The following XKR6 variants were observed in gnomAD, a reference collection of about 807,000 sequenced individuals.
The protein encoded by XKR6 is XK-related protein 6.
Under a neutral mutation model 56.7 loss-of-function variants are expected in XKR6, and 22 were observed. That is an observed-to-expected ratio of 0.39 (90% CI 0.28 to 0.55). The LOEUF is 0.55. Ranked by LOEUF, XKR6 falls within the 20% of genes least tolerant of loss-of-function variation. The pLI, the probability that XKR6 is intolerant of heterozygous loss-of-function variation, is 0.66. For synonymous variants in XKR6, 524 were observed against 387.8 expected, an observed-to-expected ratio of 1.35 and a Z score of -4.13; for missense variants, 852 against 889.0, an observed-to-expected ratio of 0.96 and a Z score of 0.53.
In XKR6 at chr8:11,037,773, G is replaced by A. The variant is rs183997235; in HGVS notation, c.765-112943C>T. 1.2e-3 allele frequency among the ~76,000 whole-genome samples: 188 copies of A among 151,582 alleles called. 1 individual carries two copies. In the East Asian group the frequency reaches 0.013, roughly 11 times the overall value. ...CTTGGGAGGCTAAGGCAGGAGATTC[G>A]TTTGAACCCAGAAGGCAGAGCTTGC... On this transcript the variant is annotated intron_variant, in intron 1 of 2. Transcript: ENST00000416569.
chr8:11,062,522 C>G (rs942074747), intron 1 of XKR6: 14 of 355,700 alleles, frequency 3.9e-5, no homozygotes, highest in African/African-American at 1.9e-4. Flanking sequence ...CATCTCTCCT[C>G]TACCTGCCCG....
chr8:10,930,549 A>T (rs146917492), intron 1 of XKR6, among the ~76,000 whole-genome samples: 3 of 152,260 alleles, frequency 2.0e-5, no homozygotes, highest in Admixed American at 2.0e-4. Flanking sequence ...AAAATCTTCA[A>T]CAAAATATTA....
chr8:11,054,415 T>G (rs1373750084), intron 1 of XKR6, among the ~76,000 whole-genome samples: 1 of 152,218 alleles, frequency 6.6e-6, no homozygotes, highest in East Asian at 1.9e-4. Flanking sequence ...GTACCGGTGT[T>G]CAAGTTGCAC....
At chr8:11,184,133 A>T (rs2409724) in intron 1 of XKR6, among the ~76,000 whole-genome samples, 87,834 of 152,022 alleles carry the variant, frequency 0.58, 28,702 homozygotes, top group African/African-American at 0.88. Flanking sequence ...CCATACAGAG[A>T]CTGTTAAAGG....
chr8:10,916,996 G>A (rs189725512), intron 2 of XKR6, among the ~76,000 whole-genome samples: 1 of 151,962 alleles, frequency 6.6e-6, no homozygotes. Context: ...CAGAGCTCCA[G>A]GTTTGTTTAA....
At chr8:11,159,873 T>G (rs1029073605) in intron 1 of XKR6, among the ~76,000 whole-genome samples, 2 of 152,196 alleles carry the variant, frequency 1.3e-5, no homozygotes, top group African/African-American at 2.4e-5. Context: ...ATGTTGTTGA[T>G]TAGAGATATG....
At chr8:10,977,364 T>C (rs1802597330) in intron 1 of XKR6, among the ~76,000 whole-genome samples, 1 of 151,860 alleles carries the variant, frequency 6.6e-6, no homozygotes. Context: ...AGAATACATG[T>C]GGAGAATGAC....
intron 1 of XKR6, among the ~76,000 whole-genome samples, chr8:10,994,271 T>C (rs957614588): frequency 6.6e-6 from 1 of 152,170 alleles, no homozygotes; most frequent in Admixed American, 6.5e-5. Context: ...TCATTTTGAG[T>C]TGCTGCACTG....
chr8:11,106,100 C>G (rs749513144), intron 1 of XKR6: 6 of 152,156 alleles, frequency 3.9e-5, no homozygotes, highest in Non-Finnish European at 7.4e-5. Context: ...GAATAATATC[C>G]TACTTTCAGT....
intron 2 of XKR6, 115 bp from the exon 3 acceptor site, chr8:10,899,031 G>A (rs1799964794): frequency 1.4e-6 from 2 of 1,446,740 alleles, no homozygotes; most frequent in South Asian, 1.4e-5. Flanking sequence ...GGAGGAGGGA[G>A]AAAGAAACAC....
intron 1 of XKR6, chr8:11,108,400 A>G (rs1229838434): frequency 4.5e-6 from 2 of 444,926 alleles, no homozygotes; most frequent in African/African-American, 2.0e-5. Context: ...CCCAAGACAT[A>G]AGAAAAAGTC....
At chr8:11,176,725 C>A (rs1262683959) in intron 1 of XKR6, among the ~76,000 whole-genome samples, 1 of 151,996 alleles carries the variant, frequency 6.6e-6, no homozygotes, top group Admixed American at 6.6e-5. Context: ...GCAGTTAGGG[C>A]ATCTCCCTAG....
At chr8:11,052,238 C>G (rs2129160196) in intron 1 of XKR6, among the ~76,000 whole-genome samples, 1 of 152,312 alleles carries the variant, frequency 6.6e-6, no homozygotes, top group Admixed American at 6.5e-5. Context: ...CTTCCCACCA[C>G]CGAGGTATCT....
intron 1 of XKR6, among the ~76,000 whole-genome samples, chr8:10,995,459 T>G (rs1480445134): frequency 1.4e-5 from 2 of 147,276 alleles, no homozygotes; most frequent in African/African-American, 2.5e-5. Context: ...ATATATATTA[T>G]ATATAATACA....
In XKR6 at chr8:11,177,913, G is replaced by A. The variant is rs565196155; in HGVS notation, c.764+22663C>T. Among the ~76,000 whole-genome samples, 208 of 152,352 alleles carry A rather than the reference G, an allele frequency of 1.4e-3. No homozygotes were observed. In the Middle Eastern group the frequency reaches 0.031, roughly 22 times the overall value. On this transcript the variant is annotated intron_variant, in intron 1 of 2. Transcript: ENST00000416569. ...AGTCCCAGGAGAAAACTCACACAGT[G>A]AGCTAATGTCCTGCTCCACCTAAGC... is the stretch of plus-strand genomic sequence containing the variant.
chr8:11,085,481 T>TGC (rs1797856639), intron 1 of XKR6, among the ~76,000 whole-genome samples: 1 of 152,140 alleles, frequency 6.6e-6, no homozygotes, highest in Non-Finnish European at 1.5e-5. Flanking sequence ...TGTGTGTGTG[T>TGC]GCATGTCTGT....
intron 1 of XKR6, among the ~76,000 whole-genome samples, chr8:10,949,856 C>A (rs1460054877): frequency 6.6e-6 from 1 of 152,158 alleles, no homozygotes; most frequent in Non-Finnish European, 1.5e-5. Flanking sequence ...CATCTCTGAG[C>A]TGGAGCAAGA....
chr8:11,068,799 AC>A (rs1326756673), intron 1 of XKR6, among the ~76,000 whole-genome samples: 2 of 152,058 alleles, frequency 1.3e-5, no homozygotes, highest in African/African-American at 4.8e-5. Flanking sequence ...CGAACAGCCC[AC>A]CCCTGGCCAA....
intron 1 of XKR6, among the ~76,000 whole-genome samples, chr8:11,183,522 T>C (rs1194561028): frequency 1.3e-5 from 2 of 151,956 alleles, no homozygotes; most frequent in African/African-American, 4.8e-5. Flanking sequence ...GGTCCCACCA[T>C]GCTGGGCTCA....
Sources: allele counts gnomAD v4.1 joint callset (sites outside exome capture counted in the v4.1 genomes callset), GRCh38; gene constraint gnomAD v4.1.1; transcripts MANE v1.5; gene names NCBI Gene and HGNC (gene_info 2026-07-23, HGNC 2026-07-21).